The following ELFN2 variants were observed in gnomAD, a reference collection of about 807,000 sequenced individuals.
ELFN2 encodes the protein protein phosphatase 1 regulatory subunit 29.
ELFN2 carries 17 observed loss-of-function variants against 45.5 expected under a neutral mutation model. The observed-to-expected ratio is 0.37, with a 90% confidence interval of 0.26 to 0.56. The LOEUF (loss-of-function observed/expected upper bound fraction) is 0.56. Ranked by LOEUF, ELFN2 falls within the 20% of genes least tolerant of loss-of-function variation. ELFN2 has a pLI of 0.77. For missense variants in ELFN2, 922 were observed against 1,183.2 expected (o/e 0.78, Z 3.24); for synonymous variants, 550 against 551.5 (o/e 1.00, Z 0.04).
rs926067357 is a variant in ELFN2 at position 37,368,421 on chromosome 22, C to G, written c.*4651G>C. On this transcript the variant is annotated 3_prime_UTR_variant, in exon 3 of 3. Transcript: ENST00000402918. Reference sequence around the variant, plus strand: ...AGACCATCCTGCCCGTCCTACAGGACCCCCTTCCTCTCCCTCCTGCTCAGC... The same window carrying G: ...AGACCATCCTGCCCGTCCTACAGGAGCCCCTTCCTCTCCCTCCTGCTCAGC... The G allele has an allele frequency of 1.3e-5, 2 of 152,424 alleles. No individual in the cohort carries two copies. Among genetic ancestry groups the G allele is most frequent in the African/African-American group, 2.4e-5 (1 of 41,466 alleles). The allele number at this position is 152,424 out of a possible 1,614,324, so 9.4% of individuals were successfully genotyped here. A position where few individuals can be genotyped will look rare whatever the true frequency, so the allele number is the denominator to read the frequency against.
At chr22:37,345,405 T>C (rs1930672653) in intron 1 of ELFN2, among the ~76,000 whole-genome samples, 1 of 152,074 alleles carries the variant, frequency 6.6e-6, no homozygotes, top group Non-Finnish European at 1.5e-5. Context: ...GAGCCTTAGT[T>C]CCTTATGCAT....
At chr22:37,408,183 C>T (rs1376805027) in intron 2 of ELFN2, among the ~76,000 whole-genome samples, 2 of 152,228 alleles carry the variant, frequency 1.3e-5, no homozygotes, top group Non-Finnish European at 2.9e-5. Context: ...ACCACCATGT[C>T]CCCAGTCCTG....
chr22:37,374,888 T>C lies in ELFN2; in HGVS notation c.647A>G (p.Glu216Gly), dbSNP rs1931527429. ...GTAGCCGGCAAACTCCCGCGGCGAC[T>C]CACACTGCAGGCGGTCGTAGTTCTT... ...VTKNYDRLQC[E>G]SPREFAGYPL... Residue 216 changes from glutamate to glycine, a missense_variant, in exon 3 of 3, where the codon GAG (glutamate) becomes GGG (glycine). Physicochemically the swap from Glu to Gly is moderately conservative, Grantham distance 98 (BLOSUM62 -2). Coordinates refer to ENST00000402918, the MANE Select transcript of ELFN2 (RefSeq NM_052906.5). 6.2e-7 allele frequency: 1 copy of C among 1,611,588 alleles called. No homozygotes were observed. The highest frequency in any genetic ancestry group is 1.1e-5 in the South Asian group (1 of 91,070).
exon 3 of ELFN2, chr22:37,340,747 T>C (rs1930540252): frequency 6.6e-6 from 1 of 152,258 alleles, no homozygotes; most frequent in East Asian, 1.9e-4. Context: ...CCATCACACA[T>C]TCAACGTCTG....
At chr22:37,413,403 C>CAA (rs3041591) in intron 2 of ELFN2, among the ~76,000 whole-genome samples, 1 of 137,560 alleles carries the variant, frequency 7.3e-6, no homozygotes, top group African/African-American at 2.6e-5. Context: ...CCCGTCTCTA[C>CAA]AAAAAAAAAA....
intron 1 of ELFN2, among the ~76,000 whole-genome samples, chr22:37,343,910 G>A (rs545549173): frequency 2.8e-3 from 426 of 151,968 alleles, no homozygotes; most frequent in Non-Finnish European, 4.5e-3. Flanking sequence ...CACCCCCCTG[G>A]ATCCCTTAGG....
chr22:37,405,863 A>G (rs984652439), intron 2 of ELFN2, among the ~76,000 whole-genome samples: 9 of 151,400 alleles, frequency 5.9e-5, no homozygotes, highest in African/African-American at 2.2e-4. Context: ...CTGGGCAGGC[A>G]CAATGGCTCG....
intron 2 of ELFN2, among the ~76,000 whole-genome samples, chr22:37,381,955 C>CAAAAAAAAAAA (rs1159476533): frequency 1.7e-5 from 1 of 59,176 alleles, no homozygotes; most frequent in Non-Finnish European, 3.0e-5. Context: ...GACTCCGTCT[C>CAAAAAAAAAAA]AAAAAAAAAA....
intron 2 of ELFN2, among the ~76,000 whole-genome samples, chr22:37,386,819 T>G (rs1327266510): frequency 6.6e-6 from 1 of 152,058 alleles, no homozygotes; most frequent in Admixed American, 6.5e-5. Context: ...CTCCCTAACG[T>G]GCTGCCAAAG....
intron 1 of ELFN2, among the ~76,000 whole-genome samples, chr22:37,425,870 TAC>T (rs133723): frequency 0.028 from 4,024 of 145,560 alleles, 135 homozygotes; most frequent in African/African-American, 0.077. Context: ...CACATACACA[TAC>T]ACACACACAC....
At chr22:37,422,018 G>C (rs1569145558) in intron 1 of ELFN2, among the ~76,000 whole-genome samples, 1 of 152,214 alleles carries the variant, frequency 6.6e-6, no homozygotes, top group Admixed American at 6.5e-5. Context: ...AGGCTGGTCA[G>C]GCAGCCTTGG....
At chr22:37,341,447 GC>G (rs2145604996) in intron 2 of ELFN2, among the ~76,000 whole-genome samples, 1 of 151,848 alleles carries the variant, frequency 6.6e-6, no homozygotes, top group Non-Finnish European at 1.5e-5. Context: ...GTGCTCACCC[GC>G]CTGGGTCTAG....
chr22:37,379,790 C>T (rs1196076957), intron 2 of ELFN2, among the ~76,000 whole-genome samples: 1 of 152,130 alleles, frequency 6.6e-6, no homozygotes, highest in Non-Finnish European at 1.5e-5. Context: ...TCAGCAAATG[C>T]CTCCCCTCTC....
intron 2 of ELFN2, among the ~76,000 whole-genome samples, chr22:37,390,407 G>T (rs1932060675): frequency 6.6e-6 from 1 of 152,172 alleles, no homozygotes; most frequent in Non-Finnish European, 1.5e-5. Flanking sequence ...GAGTGATAAT[G>T]AACCCCAGAT....
intron 1 of ELFN2, chr22:37,420,282 A>ACCCGCCCCGTGCGCC (rs1486941908): frequency 4.4e-5 from 6 of 137,434 alleles, no homozygotes; most frequent in Admixed American, 1.4e-4. Flanking sequence ...GCCATCGCGC[A>ACCCGCCCCGTGCGCC]CCCGCCCCGT....
rs764480223 is a variant in ELFN2 at position 37,374,005 on chromosome 22, G to A, written c.1530C>T (p.Gly510=). ...GNYIEVRTGA[G]GDGLARPEDD... is the part of the protein sequence containing the mutation. ...CCTCGGGCCGAGCCAGACCGTCCCC[G>A]CCGGCGCCTGTGCGCACCTCGATAT... is the stretch of plus-strand genomic sequence containing the variant. The change falls in exon 3 of 3, where the codon GGC becomes GGT. Residue 510 remains glycine (G), a synonymous_variant. Transcript: ENST00000402918. 1.2e-5 allele frequency: 19 copies of A among 1,612,958 alleles called. No homozygotes were observed. The highest frequency in any genetic ancestry group is 5.5e-5 in the South Asian group (5 of 91,084).
chr22:37,370,027 G>C lies in ELFN2; in HGVS notation c.*3045C>G, dbSNP rs763083. Reference sequence around the variant, plus strand: ...GGGACACAGATGCAGGCCAGCCTCCGGGTGGGCTCTCCCCAAGCTGAGCAG... The same window carrying C: ...GGGACACAGATGCAGGCCAGCCTCCCGGTGGGCTCTCCCCAAGCTGAGCAG... On this transcript the variant is annotated 3_prime_UTR_variant, in exon 3 of 3. Transcript: ENST00000402918. 1.3e-5 allele frequency: 2 copies of C among 152,034 alleles called. No homozygotes were observed. Among genetic ancestry groups the C allele is most frequent in the Non-Finnish European group, 2.9e-5 (2 of 67,984 alleles). The allele number at this position is 152,034 out of a possible 1,614,324, so 9.4% of individuals were successfully genotyped here. A position where few individuals can be genotyped will look rare whatever the true frequency, so the allele number is the denominator to read the frequency against.
intron 1 of ELFN2, among the ~76,000 whole-genome samples, chr22:37,348,363 G>A (rs1353487477): frequency 7.3e-6 from 1 of 137,532 alleles, no homozygotes; most frequent in East Asian, 1.9e-4. Context: ...AGGCTCAGTG[G>A]AGACAGGCGT....
rs1313892341 is a variant in ELFN2, at chr22:37,372,269, A to G, written c.*803T>C. The G allele has an allele frequency of 6.6e-6, 1 of 152,500 alleles. No homozygotes were observed. The highest frequency in any genetic ancestry group is 1.5e-5 in the Non-Finnish European group (1 of 68,090). 9.4% of individuals were successfully genotyped at this position (152,500 alleles called of 1,614,324 possible). ...CCTCTCCCTTCTCCCGGGTGCCGGC[A>G]TAGGGGTCAAAAGCCCCCCAGGATT... is the stretch of plus-strand genomic sequence containing the variant. On this transcript the variant is annotated 3_prime_UTR_variant, in exon 3 of 3. Coordinates refer to ENST00000402918, the MANE Select transcript of ELFN2 (RefSeq NM_052906.5). The surrounding 1 kb of genome is among the most constrained non-coding windows in gnomAD (Gnocchi z 4.4).
Sources: gnomAD v4.1 joint callset for allele counts (sites outside exome capture counted in the v4.1 genomes callset) on GRCh38, gnomAD v4.1.1 for gene constraint, Gnocchi (gnomAD v3.1) non-coding constraint, MANE v1.5 for transcripts, NCBI Gene and HGNC (gene_info 2026-07-23, HGNC 2026-07-21) for gene names.